The following IQCF3 variants were observed in gnomAD, a reference collection of about 807,000 sequenced individuals.
IQCF3 encodes the protein IQ domain-containing protein F3.
Under a neutral mutation model 5.1 loss-of-function variants are expected in IQCF3, and 7 were observed. The ratio of observed to expected loss-of-function variants is 1.36; its 90% CI spans 0.78 to 2.56. IQCF3 has a LOEUF of 2.56. Among genes scored for constraint, IQCF3 ranks in the 30% most tolerant of loss-of-function variants. IQCF3 has a pLI of 0.00. For synonymous variants in IQCF3, 82 were observed against 72.8 expected (o/e 1.13, Z -0.64); for missense variants, 189 against 196.5 (o/e 0.96, Z 0.23).
At chr3:51,828,207 T>C (rs1193999943), upstream of IQCF3, 2 of 152,180 alleles carry the variant, frequency 1.3e-5, no homozygotes, top group Admixed American at 6.5e-5. Context: ...TCCAATACCA[T>C]GTTGAATAGG....
At position 51,830,532 on chromosome 3, in the gene IQCF3, T is replaced by C. The variant is rs773223179; in HGVS notation, c.196T>C (p.Trp66Arg). Residue 66 changes from tryptophan (W) to arginine (R), a missense_variant, in exon 3 of 3, where the codon TGG (tryptophan) becomes CGG (arginine). Transcript: ENST00000440739. This position sits in a 1 kb window ranked among gnomAD's most constrained non-coding sequence, Gnocchi z 4.1. Reference sequence around the variant, plus strand: ...CCTCAGGGCCTGGATGATTCAGTGCTGGTGGAGGACGTTGGTGCAGAGACG... The same window carrying C: ...CCTCAGGGCCTGGATGATTCAGTGCCGGTGGAGGACGTTGGTGCAGAGACG... ...AALRAWMIQC[W>R]WRTLVQRRIR... 4 of 1,613,982 alleles carry C rather than the reference T, an allele frequency of 2.5e-6. No individual in the cohort carries two copies. The South Asian group carries it at 3.3e-5, about 13-fold the overall frequency.
chr3:51,827,716 A>G (rs1311012410), upstream of IQCF3, among the ~76,000 whole-genome samples: 1 of 152,104 alleles, frequency 6.6e-6, no homozygotes, highest in Non-Finnish European at 1.5e-5. Flanking sequence ...TTATATAGAT[A>G]AACTCGTGTC....
At chr3:51,829,170 T>A, upstream of IQCF3, 1 of 437,494 alleles carries the variant, frequency 2.3e-6, no homozygotes, top group South Asian at 2.6e-5. Context: ...GATTTGAGCA[T>A]ATCAAAAATT....
In IQCF3 at chr3:51,830,483, G is replaced by A. The variant is rs976385551; in HGVS notation, c.147G>A (p.Val49=). The A allele has an allele frequency of 1.4e-5, 22 of 1,612,768 alleles. No individual in the cohort carries two copies. In the African/African-American group the frequency reaches 2.3e-4, roughly 17 times the overall value. The change falls in exon 3 of 3, where the codon GTG becomes GTA. Residue 49 remains valine (V), a synonymous_variant. Coordinates refer to ENST00000440739, the MANE Select transcript of IQCF3 (RefSeq NM_001393887.1). The surrounding 1 kb of genome is among the most constrained non-coding windows in gnomAD (Gnocchi z 4.1). The stretch of plus-strand genomic sequence containing the variant: ...AGGCCTGGTGGCGTGGGGTCCTGGT[G>A]CGCAGGACCCTGCTGGTTGCTGCCC... The part of the protein sequence containing the change: ...QIQAWWRGVL[V]RRTLLVAALR...
At chr3:51,827,844 T>C (rs1267936933), upstream of IQCF3, among the ~76,000 whole-genome samples, 2 of 152,140 alleles carry the variant, frequency 1.3e-5, no homozygotes, top group Non-Finnish European at 2.9e-5. Context: ...CCCCAGTGTC[T>C]GTTGTTTCCC....
In IQCF3 at chr3:51,830,855, G is replaced by A; in HGVS notation, c.*54G>A. 1 of 1,492,594 alleles carries A rather than the reference G, an allele frequency of 6.7e-7. No individual in the cohort carries two copies. Among genetic ancestry groups the A allele is most frequent in the Non-Finnish European group, 8.9e-7 (1 of 1,117,368 alleles). 92.5% of individuals were successfully genotyped at this position (1,492,594 alleles called of 1,614,324 possible). A position where few individuals can be genotyped will look rare whatever the true frequency, so the allele number is the denominator to read the frequency against. The stretch of plus-strand genomic sequence containing the variant: ...ACTACCCTAATAAATGTCTGACCAG[G>A]TTGTGTGAGTCTCAGTGATTCCCCT... On this transcript the variant is annotated 3_prime_UTR_variant, in exon 3 of 3. Transcript: ENST00000440739. This position sits in a 1 kb window ranked among gnomAD's most constrained non-coding sequence, Gnocchi z 4.1.
chr3:51,830,393 G>T lies in IQCF3; in HGVS notation c.67-10G>T, dbSNP rs754217702. 6 of 1,527,550 alleles carry T rather than the reference G, an allele frequency of 3.9e-6. No homozygotes were observed. The Admixed American group carries it at 1.3e-4, about 33-fold the overall frequency. 94.6% of individuals were successfully genotyped at this position (1,527,550 alleles called of 1,614,324 possible). On this transcript the variant is annotated splice_polypyrimidine_tract_variant and intron_variant, in intron 2 of 2. Coordinates refer to ENST00000440739, the MANE Select transcript of IQCF3 (RefSeq NM_001393887.1). The surrounding 1 kb of genome is among the most constrained non-coding windows in gnomAD (Gnocchi z 4.1). ...AAATTCACTGGGAGTCCTCTGCTTTGCTTGGCCAGTTGCTTCTTGCACAAC... is the reference window on the plus strand; with the variant it reads ...AAATTCACTGGGAGTCCTCTGCTTTTCTTGGCCAGTTGCTTCTTGCACAAC...
At chr3:51,827,628 CTTT>C (rs1698305580), upstream of IQCF3, among the ~76,000 whole-genome samples, 1 of 150,846 alleles carries the variant, frequency 6.6e-6, no homozygotes, top group South Asian at 2.1e-4. Flanking sequence ...ACATGAAGTT[CTTT>C]TTTGTTGGTG....
chr3:51,829,972 T>C (rs1244593437), intron 2 of IQCF3: 2 of 524,936 alleles, frequency 3.8e-6, no homozygotes, highest in Non-Finnish European at 6.9e-6. Flanking sequence ...GACATGGTAG[T>C]GGAAGTCCAC....
upstream of IQCF3, among the ~76,000 whole-genome samples, chr3:51,827,708 A>G (rs1316416723): frequency 2.6e-5 from 4 of 152,062 alleles, no homozygotes; most frequent in Non-Finnish European, 4.4e-5. Flanking sequence ...TAGGTTTGTT[A>G]TATAGATAAA....
chr3:51,830,624 C>G lies in IQCF3; in HGVS notation c.288C>G (p.Leu96=), dbSNP rs1182051021. 28 of 1,613,880 alleles carry G rather than the reference C, an allele frequency of 1.7e-5. No homozygotes were observed. Among genetic ancestry groups the G allele is most frequent in the African/African-American group, 4.0e-5 (3 of 74,928 alleles). ...YVIQEQATVK[L]QSCIRMWQCR... Reference sequence around the variant, plus strand: ...TCCAGGAGCAGGCGACGGTCAAGCTCCAGTCCTGCATCCGCATGTGGCAGT... The same window carrying G: ...TCCAGGAGCAGGCGACGGTCAAGCTGCAGTCCTGCATCCGCATGTGGCAGT... The change falls in exon 3 of 3, where the codon CTC becomes CTG. Residue 96 remains leucine, a synonymous_variant. Transcript: ENST00000440739. This position sits in a 1 kb window ranked among gnomAD's most constrained non-coding sequence, Gnocchi z 4.1.
chr3:51,829,238 CTG>C (rs1698329652), upstream of IQCF3: 1 of 572,196 alleles, frequency 1.7e-6, no homozygotes, highest in Admixed American at 3.1e-5. Context: ...AGATGACAAT[CTG>C]AGAAATGATA....
In IQCF3 at chr3:51,830,516, C is replaced by G. The variant is rs1698352332; in HGVS notation, c.180C>G (p.Ala60=). The change falls in exon 3 of 3, where the codon GCC becomes GCG. Residue 60 remains alanine, a synonymous_variant. Transcript: ENST00000440739. The surrounding 1 kb of genome is among the most constrained non-coding windows in gnomAD (Gnocchi z 4.1). ...RRTLLVAALR[A]WMIQCWWRTL... ...CCCTGCTGGTTGCTGCCCTCAGGGC[C>G]TGGATGATTCAGTGCTGGTGGAGGA... The G allele has an allele frequency of 1.2e-6, 2 of 1,613,976 alleles. No individual in the cohort carries two copies. Among genetic ancestry groups the G allele is most frequent in the Non-Finnish European group, 1.7e-6 (2 of 1,179,872 alleles).
upstream of IQCF3, chr3:51,828,086 G>A (rs1015963511): frequency 6.6e-6 from 1 of 151,836 alleles, no homozygotes; most frequent in African/African-American, 2.4e-5. Context: ...CTAATATAAT[G>A]TCTTTTATCA....
Position 51,830,241 on chromosome 3 carries a change from TG to T in IQCF3, c.67-161del, listed in dbSNP as rs1335228351. On this transcript the variant is annotated intron_variant, in intron 2 of 2. Transcript: ENST00000440739. The surrounding 1 kb of genome is among the most constrained non-coding windows in gnomAD (Gnocchi z 4.1). The stretch of plus-strand genomic sequence containing the variant: ...ATTTCATAGATGAGGGCACTGGGAC[TG>T]TGAGGGTGTCCAGAGCCATGAACAG... 6.6e-6 allele frequency among the ~76,000 whole-genome samples: 1 copy of T among 152,142 alleles called. No individual in the cohort carries two copies. Among genetic ancestry groups the T allele is most frequent in the African/African-American group, 2.4e-5 (1 of 41,438 alleles).
chr3:51,827,523 T>C (rs893438298), upstream of IQCF3, among the ~76,000 whole-genome samples: 2 of 151,980 alleles, frequency 1.3e-5, no homozygotes, highest in African/African-American at 2.4e-5. Context: ...TTATAATTAA[T>C]TTATAATTAT....
chr3:51,829,467 C>T lies in IQCF3; in HGVS notation c.-9C>T, dbSNP rs767038067. ...AGGGAGATGATCACCTGAACCACTGCTCCAAACCATGGGCAGTAAATGCTG... is the reference window on the plus strand; with the variant it reads ...AGGGAGATGATCACCTGAACCACTGTTCCAAACCATGGGCAGTAAATGCTG... On this transcript the variant is annotated 5_prime_UTR_variant, in exon 1 of 3. Coordinates refer to ENST00000440739, the MANE Select transcript of IQCF3 (RefSeq NM_001393887.1). 3.1e-6 allele frequency: 5 copies of T among 1,597,388 alleles called. No homozygotes were observed. The highest frequency in any genetic ancestry group is 4.3e-6 in the Non-Finnish European group (5 of 1,172,060).
chr3:51,827,618 A>G (rs938826530), upstream of IQCF3, among the ~76,000 whole-genome samples: 2 of 152,042 alleles, frequency 1.3e-5, no homozygotes, highest in Admixed American at 6.6e-5. Flanking sequence ...TAAACAAGGT[A>G]CATGAAGTTC....
upstream of IQCF3, chr3:51,828,133 T>C (rs185420249): frequency 6.5e-4 from 99 of 152,322 alleles, no homozygotes; most frequent in African/African-American, 2.3e-3. Context: ...GACCTATTTT[T>C]TTTTCTTTCT....
Sources: gnomAD v4.1 joint callset for allele counts (sites outside exome capture counted in the v4.1 genomes callset) on GRCh38, gnomAD v4.1.1 for gene constraint, Gnocchi (gnomAD v3.1) non-coding constraint, MANE v1.5 for transcripts, NCBI Gene and HGNC (gene_info 2026-07-23, HGNC 2026-07-21) for gene names.